Variants in TMEM144 observed in about 807,000 individuals in gnomAD.
TMEM144 encodes transmembrane protein 144.
Under a neutral mutation model 43.6 loss-of-function variants are expected in TMEM144, and 39 were observed. That is an observed-to-expected ratio of 0.90 (90% CI 0.69 to 1.17). The LOEUF (loss-of-function observed/expected upper bound fraction) is 1.17. Among genes scored for constraint, TMEM144 ranks in the 50% most tolerant of loss-of-function variants. The pLI, the probability that TMEM144 is intolerant of heterozygous loss-of-function variation, is 0.00. For synonymous variants in TMEM144, 154 were observed against 133.6 expected, an observed-to-expected ratio of 1.15 and a Z score of -1.06; for missense variants, 417 against 411.9, an observed-to-expected ratio of 1.01 and a Z score of -0.11.
chr4:158,238,542 T>C (rs1247875399), intron 9 of TMEM144, among the ~76,000 whole-genome samples: 1 of 152,160 alleles, frequency 6.6e-6, no homozygotes, highest in Non-Finnish European at 1.5e-5. Flanking sequence ...TACAAAAAGA[T>C]AGAAATTAAT....
chr4:158,253,321 T>C, intron 12 of TMEM144, 123 bp from the exon 13 acceptor site: 1 of 710,184 alleles, frequency 1.4e-6, no homozygotes, highest in African/African-American at 1.8e-5. Flanking sequence ...TTGGAAGGGG[T>C]AGCAAAAAAG....
chr4:158,222,001 A>G (rs1734531709), intron 6 of TMEM144, among the ~76,000 whole-genome samples: 1 of 152,162 alleles, frequency 6.6e-6, no homozygotes, highest in African/African-American at 2.4e-5. Context: ...CTCTCTCTCC[A>G]TAGAAGGCCA....
chr4:158,215,399 C>A, intron 4 of TMEM144, 86 bp downstream of exon 4: 1 of 1,488,578 alleles, frequency 6.7e-7, no homozygotes, highest in Non-Finnish European at 9.1e-7. Flanking sequence ...ATAGCGCAAA[C>A]AGTGATTCTG....
At chr4:158,226,415 G>GA in intron 6 of TMEM144, among the ~76,000 whole-genome samples, 1 of 152,142 alleles carries the variant, frequency 6.6e-6, no homozygotes, top group East Asian at 1.9e-4. Context: ...CCAGTTTACA[G>GA]AAAAACTGCA....
intron 12 of TMEM144, among the ~76,000 whole-genome samples, chr4:158,246,848 T>C (rs1735915502): frequency 6.6e-6 from 1 of 151,994 alleles, no homozygotes; most frequent in African/African-American, 2.4e-5. Flanking sequence ...TATAGATTTA[T>C]ATTAAAGCAT....
chr4:158,228,358 G>A (rs1214332171), intron 6 of TMEM144, among the ~76,000 whole-genome samples: 3 of 148,632 alleles, frequency 2.0e-5, no homozygotes, highest in African/African-American at 7.5e-5. Context: ...GTGCTGTCAA[G>A]CAATTCAAAC....
intron 6 of TMEM144, among the ~76,000 whole-genome samples, chr4:158,222,092 A>G (rs1289930373): frequency 1.3e-5 from 2 of 148,712 alleles, no homozygotes. Flanking sequence ...AAAATTTTGA[A>G]TGTTTCACAA....
At chr4:158,251,424 G>C (rs141541080) in intron 12 of TMEM144, among the ~76,000 whole-genome samples, 4 of 152,044 alleles carry the variant, frequency 2.6e-5, no homozygotes, top group Admixed American at 6.5e-5. Context: ...ATCTTTAAGT[G>C]GGGGGGATGA....
intron 6 of TMEM144, among the ~76,000 whole-genome samples, chr4:158,230,505 A>G (rs1735022370): frequency 6.6e-6 from 1 of 152,184 alleles, no homozygotes; most frequent in Admixed American, 6.5e-5. Flanking sequence ...AAAAACACAC[A>G]GGTCTATACA....
At chr4:158,219,532 C>A in intron 6 of TMEM144, 142 bp downstream of exon 6, 1 of 895,686 alleles carries the variant, frequency 1.1e-6, no homozygotes, top group Admixed American at 2.3e-5. Context: ...TTTACAATGA[C>A]TGGTTTTAGA....
At chr4:158,244,464 G>GC in intron 12 of TMEM144, 115 bp downstream of exon 12, 1 of 744,972 alleles carries the variant, frequency 1.3e-6, no homozygotes, top group South Asian at 1.6e-5. Flanking sequence ...GAGGTTAGGA[G>GC]TTCAAGACCA....
chr4:158,239,926 C>T (rs58755943), intron 9 of TMEM144, among the ~76,000 whole-genome samples: 4,259 of 149,248 alleles, frequency 0.029, 142 homozygotes, highest in African/African-American at 0.085. Context: ...CACTCTGTTG[C>T]CCAGGCTGGA....
intron 12 of TMEM144, among the ~76,000 whole-genome samples, chr4:158,252,073 G>A (rs1736235356): frequency 1.3e-5 from 2 of 152,214 alleles, no homozygotes. Flanking sequence ...AGGGATATAT[G>A]AGAGTTATTT....
intron 3 of TMEM144, chr4:158,213,027 A>G: frequency 3.7e-6 from 2 of 544,856 alleles, no homozygotes; most frequent in South Asian, 2.4e-5. Context: ...CATTATATGA[A>G]TGGAAGAAAT....
intron 3 of TMEM144, chr4:158,212,992 G>A (rs1560818493): frequency 1.7e-5 from 10 of 573,208 alleles, no homozygotes; most frequent in South Asian, 9.0e-5. Flanking sequence ...AGTTAGGGAG[G>A]GTACAGTCAG....
At chr4:158,245,275 C>G (rs1280776745) in intron 12 of TMEM144, among the ~76,000 whole-genome samples, 1 of 128,520 alleles carries the variant, frequency 7.8e-6, no homozygotes, top group East Asian at 2.6e-4. Context: ...TGTATGTTTT[C>G]TTTAAAAATC....
chr4:158,213,023 A>G (rs1734039120), intron 3 of TMEM144: 1 of 549,886 alleles, frequency 1.8e-6, no homozygotes, highest in South Asian at 2.4e-5. Flanking sequence ...GGGCCATTAT[A>G]TGAATGGAAG....
intron 8 of TMEM144, among the ~76,000 whole-genome samples, chr4:158,236,226 A>G (rs1474883603): frequency 6.6e-6 from 1 of 152,232 alleles, no homozygotes; most frequent in Non-Finnish European, 1.5e-5. Context: ...AGGGGGAAAG[A>G]GCAGCACCTG....
chr4:158,212,548 T>G (rs1734009994), intron 2 of TMEM144, 60 bp from the exon 3 acceptor site: 1 of 676,452 alleles, frequency 1.5e-6, no homozygotes, highest in South Asian at 2.3e-5. Context: ...ATATAATATG[T>G]TAATCACAAT....
Sources: gnomAD v4.1 joint callset for allele counts (sites outside exome capture counted in the v4.1 genomes callset) on GRCh38, gnomAD v4.1.1 for gene constraint, MANE v1.5 for transcripts, NCBI Gene and HGNC (gene_info 2026-07-23, HGNC 2026-07-21) for gene names.